Variants in POGK observed in about 807,000 individuals in gnomAD.
POGK encodes pogo transposable element with KRAB domain.
Under a neutral mutation model 54.4 loss-of-function variants are expected in POGK, and 16 were observed. The observed-to-expected ratio is 0.29, with a 90% CI of 0.20 to 0.45. POGK has a LOEUF of 0.45. Among genes scored for constraint, POGK ranks in the 20% least tolerant of loss-of-function variants. The probability of loss-of-function intolerance (pLI) is 1.00; values close to 1 mark genes in which losing one functional copy is unlikely to be tolerated. For synonymous variants in POGK, 271 were observed against 302.2 expected (o/e 0.90, Z 1.07); for missense variants, 515 against 795.6 (o/e 0.65, Z 4.24).
intron 4 of POGK, 68 bp downstream of exon 4, chr1:166,847,660 C>A: frequency 1.6e-6 from 2 of 1,220,212 alleles, no homozygotes; most frequent in Non-Finnish European, 2.4e-6. Flanking sequence ...TTTCAGTGTA[C>A]ATTCCACGGG....
At chr1:166,851,271 G>A (rs1433836552) in intron 5 of POGK, 2 of 152,154 alleles carry the variant, frequency 1.3e-5, no homozygotes, top group Admixed American at 6.5e-5. Flanking sequence ...TCTCAGTCCT[G>A]GAGCTATCTA....
Position 166,850,043 on chromosome 1 carries a change from G to C in POGK, c.1464G>C (p.Met488Ile). ...TDSVKNSMES[M>I]NTDMVIIPGG... Reference sequence around the variant, plus strand: ...CCGTGAAGAACTCCATGGAAAGCATGAACACTGACATGGTGATCATCCCAG... The same window carrying C: ...CCGTGAAGAACTCCATGGAAAGCATCAACACTGACATGGTGATCATCCCAG... Residue 488 changes from methionine (M) to isoleucine (I), a missense_variant, in exon 5 of 6, where the codon ATG becomes ATC. Around this residue, in one of 2 missense-constraint regions of POGK, gnomAD observed 461 missense variants for 743.5 expected, o/e 0.62. Transcript: ENST00000367876. The C allele has an allele frequency of 6.2e-7, 1 of 1,614,232 alleles. No homozygotes were observed. Among genetic ancestry groups the C allele is most frequent in the Non-Finnish European group, 8.5e-7 (1 of 1,180,042 alleles).
intron 2 of POGK, 145 bp from the exon 3 acceptor site, chr1:166,846,467 C>A: frequency 2.0e-6 from 2 of 1,023,098 alleles, no homozygotes; most frequent in Non-Finnish European, 2.9e-6. Flanking sequence ...TGAATGTGGA[C>A]AGTCCGTTTT....
At chr1:166,848,801 A>T in intron 4 of POGK, 137 bp from the exon 5 acceptor site, 1 of 1,186,628 alleles carries the variant, frequency 8.4e-7, no homozygotes, top group Non-Finnish European at 1.2e-6. Context: ...GACTTAGGCA[A>T]TGTTACCTGT....
Position 166,849,189 on chromosome 1 carries a change from T to C in POGK, c.610T>C (p.Phe204Leu), listed in dbSNP as rs766578918. 2 of 1,614,040 alleles carry C rather than the reference T, an allele frequency of 1.2e-6. No individual in the cohort carries two copies. Among genetic ancestry groups the C allele is most frequent in the South Asian group, 2.2e-5 (2 of 91,060 alleles). Reference sequence around the variant, plus strand: ...CATGCGCCGCAGTTACGACGCAGGGTTCAAGCTGATGGTAGTGGAATATGC... The same window carrying C: ...CATGCGCCGCAGTTACGACGCAGGGCTCAAGCTGATGGTAGTGGAATATGC... ...RGMRRSYDAGFKLMVVEYAES... is the reference protein window; with the variant it reads ...RGMRRSYDAGLKLMVVEYAES... The change falls in exon 5 of 6, where the codon TTC (phenylalanine) becomes CTC (leucine). Residue 204 changes from phenylalanine (F) to leucine (L), a missense_variant. Phe to Leu is a conservative substitution (Grantham distance 22). This residue lies in a region of POGK where 461 missense variants were observed against 743.5 expected (regional missense o/e 0.62). Transcript: ENST00000367876.
chr1:166,851,845 C>T (rs918190152), intron 5 of POGK: 4 of 152,144 alleles, frequency 2.6e-5, no homozygotes, highest in African/African-American at 9.7e-5. Flanking sequence ...TAGGTATTTC[C>T]ATCTTCCTTG....
intron 2 of POGK, among the ~76,000 whole-genome samples, chr1:166,845,270 A>G (rs554242235): frequency 4.6e-5 from 7 of 151,234 alleles, no homozygotes; most frequent in Non-Finnish European, 1.0e-4. Flanking sequence ...AGGCAGGAGA[A>G]TGGCTTGAAC....
chr1:166,844,668 A>G (rs1657761314), intron 2 of POGK, among the ~76,000 whole-genome samples: 1 of 152,252 alleles, frequency 6.6e-6, no homozygotes, highest in African/African-American at 2.4e-5. Flanking sequence ...CACATTTTTC[A>G]GTGACTACTA....
Position 166,849,933 on chromosome 1 carries a change from G to A in POGK, c.1354G>A (p.Val452Met). The change falls in exon 5 of 6, where the codon GTG (valine) becomes ATG (methionine). Residue 452 changes from valine (V) to methionine (M), a missense_variant. This residue lies in a region of POGK where 461 missense variants were observed against 743.5 expected (regional missense o/e 0.62). Coordinates refer to ENST00000367876, the MANE Select transcript of POGK (RefSeq NM_017542.5). ...AGACTTGATGCAGGACTGGTTGGAA[G>A]TGGTGTGGAGACGGAGGACAGGAGC... Reference protein sequence around the residue: ...TEDLMQDWLEVVWRRRTGAVP... With the variant: ...TEDLMQDWLEMVWRRRTGAVP... 2 of 1,614,276 alleles carry A rather than the reference G, an allele frequency of 1.2e-6. No homozygotes were observed. Among genetic ancestry groups the A allele is most frequent in the Non-Finnish European group, 1.7e-6 (2 of 1,180,044 alleles).
chr1:166,840,184 A>G (rs893492780), intron 1 of POGK: 3 of 152,200 alleles, frequency 2.0e-5, no homozygotes, highest in Admixed American at 2.0e-4. Flanking sequence ...CTCCACACCT[A>G]GGAATTGCCC....
In POGK at chr1:166,856,349, A is replaced by G. The variant is rs970086578; in HGVS notation, c.*3779A>G. On this transcript the variant is annotated 3_prime_UTR_variant, in exon 6 of 6. Transcript: ENST00000367876. ...ACCCTATCTCAAAAAGAAAAGAAAAAAAAAAAAAAAGAAATGGCATACCTT... is the reference window on the plus strand; with the variant it reads ...ACCCTATCTCAAAAAGAAAAGAAAAGAAAAAAAAAAGAAATGGCATACCTT... 7 of 151,682 alleles carry G rather than the reference A, an allele frequency of 4.6e-5. No homozygotes were observed. The highest frequency in any genetic ancestry group is 1.2e-4 in the African/African-American group (5 of 41,184). 9.4% of individuals were successfully genotyped at this position (151,682 alleles called of 1,614,324 possible).
chr1:166,846,524 G>T (rs930181643), intron 2 of POGK, 88 bp from the exon 3 acceptor site: 1 of 1,539,816 alleles, frequency 6.5e-7, no homozygotes, highest in Non-Finnish European at 8.9e-7. Flanking sequence ...GACAGGCTGT[G>T]CTGGGCTGTC....
chr1:166,843,375 T>A (rs1477170931), intron 2 of POGK, among the ~76,000 whole-genome samples: 1 of 152,250 alleles, frequency 6.6e-6, no homozygotes, highest in East Asian at 1.9e-4. Context: ...AATGAGGCCT[T>A]AGCCCATCTT....
rs1658235423 is a variant in POGK, at chr1:166,855,235, C to G, written c.*2665C>G. 1 of 152,156 alleles carries G rather than the reference C, an allele frequency of 6.6e-6. No homozygotes were observed. Among genetic ancestry groups the G allele is most frequent in the Non-Finnish European group, 1.5e-5 (1 of 68,032 alleles). The allele number at this position is 152,156 out of a possible 1,614,324, so 9.4% of individuals were successfully genotyped here. A position where few individuals can be genotyped will look rare whatever the true frequency, so the allele number is the denominator to read the frequency against. The stretch of plus-strand genomic sequence containing the variant: ...TAAAATACAGCCAGCTTTATCACAC[C>G]TGGTTTTGCACAGTGATAAATTCCT... On this transcript the variant is annotated 3_prime_UTR_variant, in exon 6 of 6. Coordinates refer to ENST00000367876, the MANE Select transcript of POGK (RefSeq NM_017542.5).
At chr1:166,840,786 A>T (rs1657468465) in intron 1 of POGK, among the ~76,000 whole-genome samples, 169 bp from the exon 2 acceptor site, 1 of 152,200 alleles carries the variant, frequency 6.6e-6, no homozygotes, top group South Asian at 2.1e-4. Context: ...TATCATAATT[A>T]AACATGTCAC....
intron 2 of POGK, among the ~76,000 whole-genome samples, chr1:166,844,004 C>T (rs1399757788): frequency 2.6e-5 from 4 of 152,210 alleles, no homozygotes; most frequent in African/African-American, 4.8e-5. Context: ...CTCTGTGGAG[C>T]GAGGGGAGGC....
Position 166,852,723 on chromosome 1 carries a change from C to T in POGK, c.*153C>T, listed in dbSNP as rs1658122714. The stretch of plus-strand genomic sequence containing the variant: ...GAACAGCCCCGGTCCAGACAGCAGC[C>T]TGTACATCCATCCCAGGACACAGCC... On this transcript the variant is annotated 3_prime_UTR_variant, in exon 6 of 6. Transcript: ENST00000367876. 1 of 152,282 alleles carries T rather than the reference C, an allele frequency of 6.6e-6. No individual in the cohort carries two copies. Among genetic ancestry groups the T allele is most frequent in the South Asian group, 2.1e-4 (1 of 4,836 alleles). The allele number at this position is 152,282 out of a possible 1,614,324, so 9.4% of individuals were successfully genotyped here. A position where few individuals can be genotyped will look rare whatever the true frequency, so the allele number is the denominator to read the frequency against.
Position 166,849,508 on chromosome 1 carries a change from G to A in POGK, c.929G>A (p.Cys310Tyr). The A allele has an allele frequency of 6.2e-7, 1 of 1,614,270 alleles. No homozygotes were observed. Among genetic ancestry groups the A allele is most frequent in the South Asian group, 1.1e-5 (1 of 91,092 alleles). Residue 310 changes from cysteine (C) to tyrosine (Y), a missense_variant, in exon 5 of 6, where the codon TGT becomes TAT. Cys to Tyr is a radical substitution (Grantham distance 194). Transcript: ENST00000367876. Reference protein sequence around the residue: ...EKGFKASLGWCRRMMRRYDLS... With the variant: ...EKGFKASLGWYRRMMRRYDLS... ...GGGTTCAAGGCAAGCTTGGGTTGGT[G>A]TCGAAGAATGATGAGAAGGTATGAC...
Position 166,840,940 on chromosome 1 carries a change from G to A in POGK, c.-2-15G>A, listed in dbSNP as rs1657475699. The A allele has an allele frequency of 6.2e-7, 1 of 1,613,566 alleles. No homozygotes were observed. Among genetic ancestry groups the A allele is most frequent in the Admixed American group, 1.7e-5 (1 of 59,968 alleles). On this transcript the variant is annotated splice_polypyrimidine_tract_variant and intron_variant, in intron 1 of 5. Coordinates refer to ENST00000367876, the MANE Select transcript of POGK (RefSeq NM_017542.5). ...AGTGACACCTGGTTTTTCTGAACCT[G>A]AATCTTGCTTGCAGAGATGGAGTCC...
Sources: allele counts gnomAD v4.1 joint callset (sites outside exome capture counted in the v4.1 genomes callset), GRCh38; gene constraint gnomAD v4.1.1; regional missense constraint gnomAD v4.1.1; transcripts MANE v1.5; gene names NCBI Gene and HGNC (gene_info 2026-07-23, HGNC 2026-07-21).